Variants in MUC5AC observed in about 807,000 individuals in gnomAD.
MUC5AC encodes mucin 5AC, oligomeric mucus/gel-forming.
In MUC5AC, 158 loss-of-function variants were observed where a neutral mutation model predicts 169.7. The ratio of observed to expected loss-of-function variants is 0.93; its 90% CI spans 0.82 to 1.06. MUC5AC has a LOEUF of 1.06. Ranked by LOEUF, MUC5AC falls within the 50% of genes least tolerant of loss-of-function variation. The probability of loss-of-function intolerance (pLI) is 0.00; values close to 1 mark genes in which losing one functional copy is unlikely to be tolerated. For missense variants in MUC5AC, 4,359 were observed against 3,089.9 expected (o/e 1.41, Z -9.74); for synonymous variants, 1,975 against 1,237.0 (o/e 1.60, Z -12.52).
chr11:1,167,964 C>G lies in MUC5AC; in HGVS notation c.1474C>G (p.Leu492Val). The stretch of plus-strand genomic sequence containing the variant: ...CGAGACCTGCCTGAAGAGCGTGACA[C>G]TGAGCCTGGATGGGGCGCAGACGGT... Reference protein sequence around the residue: ...DSETCLKSVTLSLDGAQTVVV... With the variant: ...DSETCLKSVTVSLDGAQTVVV... Residue 492 changes from leucine (L) to valine (V), a missense_variant, in exon 12 of 49, where the codon CTG (leucine) becomes GTG (valine). Physicochemically the swap from Leu to Val is conservative, Grantham distance 32. Coordinates refer to ENST00000621226, the MANE Select transcript of MUC5AC (RefSeq NM_001304359.2). 1 of 1,550,790 alleles carries G rather than the reference C, an allele frequency of 6.4e-7. No individual in the cohort carries two copies. The highest frequency in any genetic ancestry group is 8.7e-7 in the Non-Finnish European group (1 of 1,147,342).
In MUC5AC at chr11:1,186,154, C is replaced by T. The variant is rs1860938391; in HGVS notation, c.8009C>T (p.Ser2670Phe). 5.4e-6 allele frequency: 4 copies of T among 746,796 alleles called. No individual in the cohort carries two copies. The Admixed American group carries it at 7.1e-5, about 13-fold the overall frequency. 46.3% of individuals were successfully genotyped at this position (746,796 alleles called of 1,614,324 possible). ...CCTGTTCCTACCACCAGCACAATCT[C>T]TGTTCCTACCACCAGCACAACTTCT... ...PSPVPTTSTI[S>F]VPTTSTTSAS... Residue 2670 changes from serine to phenylalanine, a missense_variant, in exon 31 of 49, where the codon TCT (serine) becomes TTT (phenylalanine). Physicochemically the swap from Ser to Phe is radical, Grantham distance 155. Coordinates refer to ENST00000621226, the MANE Select transcript of MUC5AC (RefSeq NM_001304359.2).
intron 37 of MUC5AC, 137 bp from the exon 38 acceptor site, chr11:1,196,251 G>A (rs1861267558): frequency 7.5e-6 from 5 of 666,512 alleles, no homozygotes; most frequent in Middle Eastern, 2.9e-4. Flanking sequence ...GGGCACTGGG[G>A]TGTGGGAGGC....
In MUC5AC at chr11:1,162,130, C is replaced by T; in HGVS notation, c.435C>T (p.Ile145=). The T allele has an allele frequency of 6.2e-7, 1 of 1,612,612 alleles. No homozygotes were observed. Among genetic ancestry groups the T allele is most frequent in the Non-Finnish European group, 8.5e-7 (1 of 1,179,824 alleles). ...TCATGAAGGTGGATGGCGTGGTCAT[C>T]CAGCTGACCAAGGGCTCCGTCCTGG... The part of the protein sequence containing the change: ...RVLMKVDGVV[I]QLTKGSVLVN... The change falls in exon 4 of 49, where the codon ATC becomes ATT. Residue 145 remains isoleucine, a synonymous_variant. Coordinates refer to ENST00000621226, the MANE Select transcript of MUC5AC (RefSeq NM_001304359.2).
chr11:1,162,436 C>A, intron 4 of MUC5AC, 96 bp from the exon 5 acceptor site: 6 of 1,176,560 alleles, frequency 5.1e-6, no homozygotes, highest in Non-Finnish European at 7.4e-6. Context: ...TTCACGGTCA[C>A]GATGACCGTG....
In MUC5AC at chr11:1,162,893, C is replaced by G; in HGVS notation, c.589-62C>G. ...GGCCCCTCCTCGGAAATCTCAGGCT[C>G]GAGCCTCATCTGTCCATCTGCCCCT... On this transcript the variant is annotated intron_variant, in intron 5 of 48. Coordinates refer to ENST00000621226, the MANE Select transcript of MUC5AC (RefSeq NM_001304359.2). 5 of 1,501,754 alleles carry G rather than the reference C, an allele frequency of 3.3e-6. 1 individual carries two copies. The Middle Eastern group carries it at 5.1e-4, about 154-fold the overall frequency. The allele number at this position is 1,501,754 out of a possible 1,614,324, so 93.0% of individuals were successfully genotyped here.
At chr11:1,196,769 G>A in intron 39 of MUC5AC, 49 bp downstream of exon 39, 1 of 731,262 alleles carries the variant, frequency 1.4e-6, no homozygotes, top group Non-Finnish European at 2.5e-6. Context: ...CTGGGCCTGT[G>A]ACTGTTGGCC....
chr11:1,189,783 A>T lies in MUC5AC; in HGVS notation c.11638A>T (p.Thr3880Ser), dbSNP rs1410857249. ...AATCTCTGCCCCTACAACCAGCACAACCTCTTTCCATACAACCAGCACAAC... is the reference window on the plus strand; with the variant it reads ...AATCTCTGCCCCTACAACCAGCACATCCTCTTTCCATACAACCAGCACAAC... ...STISAPTTST[T>S]SFHTTSTTSP... The change falls in exon 31 of 49, where the codon ACC (threonine) becomes TCC (serine). Residue 3880 changes from threonine (T) to serine (S), a missense_variant. By Grantham distance (58) the Thr-to-Ser change is moderately conservative. Transcript: ENST00000621226. 1 of 701,796 alleles carries T rather than the reference A, an allele frequency of 1.4e-6. No individual in the cohort carries two copies. Among genetic ancestry groups the T allele is most frequent in the South Asian group, 1.5e-5 (1 of 65,628 alleles). The allele number at this position is 701,796 out of a possible 1,614,324, so 43.5% of individuals were successfully genotyped here. A position where few individuals can be genotyped will look rare whatever the true frequency, so the allele number is the denominator to read the frequency against.
In MUC5AC at chr11:1,184,842, C is replaced by T. The variant is rs1180705024; in HGVS notation, c.6697C>T (p.Pro2233Ser). Residue 2233 changes from proline (P) to serine (S), a missense_variant, in exon 31 of 49, where the codon CCT becomes TCT. By Grantham distance (74) the Pro-to-Ser change is moderately conservative (BLOSUM62 -1). Coordinates refer to ENST00000621226, the MANE Select transcript of MUC5AC (RefSeq NM_001304359.2). ...CACACCTGTGACAGCTCCTAGCACC[C>T]CTAGTGGGAGAGCCACCAGCCCAAC... The part of the protein sequence containing the change: ...TSTPVTAPST[P>S]SGRATSPTQS... 3.1e-6 allele frequency: 2 copies of T among 639,188 alleles called. No homozygotes were observed. The highest frequency in any genetic ancestry group is 3.6e-5 in the African/African-American group (2 of 55,094). 39.6% of individuals were successfully genotyped at this position (639,188 alleles called of 1,614,324 possible).
rs557168752 is a variant in MUC5AC, at chr11:1,158,064, G to A, written c.65G>A (p.Arg22Gln). Residue 22 changes from arginine to glutamine, a missense_variant, in exon 1 of 49, where the codon CGG becomes CAG. Coordinates refer to ENST00000621226, the MANE Select transcript of MUC5AC (RefSeq NM_001304359.2). The stretch of plus-strand genomic sequence containing the variant: ...CTGGCTCTCGCTCTGGCCTGCACCC[G>A]GCATACAGGTACGGCTTGGCCCCTG... The part of the protein sequence containing the change: ...WALALALACT[R>Q]HTGHAQDGSS... 349 of 1,607,900 alleles carry A rather than the reference G, an allele frequency of 2.2e-4. 1 individual carries two copies. The African/African-American group carries it at 4.2e-3, about 19-fold the overall frequency.
chr11:1,173,609 T>G (rs1362271882), intron 16 of MUC5AC, among the ~76,000 whole-genome samples: 4 of 148,150 alleles, frequency 2.7e-5, no homozygotes, highest in African/African-American at 2.5e-5. Context: ...ACTCACTCAC[T>G]CATCCACTCA....
At position 1,193,619 on chromosome 11, in the gene MUC5AC, G is replaced by C; in HGVS notation, c.14715G>C (p.Val4905=). 1 of 765,018 alleles carries C rather than the reference G, an allele frequency of 1.3e-6. No individual in the cohort carries two copies. Among genetic ancestry groups the C allele is most frequent in the Non-Finnish European group, 2.4e-6 (1 of 417,848 alleles). The allele number at this position is 765,018 out of a possible 1,614,324, so 47.4% of individuals were successfully genotyped here. Residue 4905 remains valine (V), a synonymous_variant, in exon 33 of 49, where the codon GTG becomes GTC. Coordinates refer to ENST00000621226, the MANE Select transcript of MUC5AC (RefSeq NM_001304359.2). ...CCAACGGCTACCCGGCTGTGAAGGT[G>C]GCTGACCAAGATGGCTGCTGCCATC... ...TCANGYPAVK[V]ADQDGCCHHY...
intron 16 of MUC5AC, among the ~76,000 whole-genome samples, chr11:1,173,058 T>C (rs1860586492): frequency 6.8e-6 from 1 of 146,722 alleles, no homozygotes; most frequent in Non-Finnish European, 1.5e-5. Context: ...ACTAACTTAC[T>C]CACTCACTCA....
chr11:1,199,381 C>T lies in MUC5AC; in HGVS notation c.16406C>T (p.Thr5469Ile). ...CTGGCCTCCCTCCAGCCCGGCGAGA[C>T]CTGGTCAGACGCAGGGAACCACTGT... ...SPAHLFYPGE[T>I]WSDAGNHCVT... The change falls in exon 46 of 49, where the codon ACC becomes ATC. Residue 5469 changes from threonine to isoleucine, a missense_variant. Physicochemically the swap from Thr to Ile is moderately conservative, Grantham distance 89 (BLOSUM62 -1). Transcript: ENST00000621226. 1.4e-6 allele frequency: 1 copy of T among 718,644 alleles called. No homozygotes were observed. The highest frequency in any genetic ancestry group is 2.5e-6 in the Non-Finnish European group (1 of 394,266). 44.5% of individuals were successfully genotyped at this position (718,644 alleles called of 1,614,324 possible).
rs1861368787 is a variant in MUC5AC, at chr11:1,199,509, G to A, written c.16515+19G>A. On this transcript the variant is annotated intron_variant, in intron 46 of 48. Transcript: ENST00000621226. ...TTCTCTGGTGAGGTCCAGGATCCCCGCTCCAGCCAAGGGGGGCTTCACCCC... is the reference window on the plus strand; with the variant it reads ...TTCTCTGGTGAGGTCCAGGATCCCCACTCCAGCCAAGGGGGGCTTCACCCC... 1.4e-6 allele frequency: 1 copy of A among 704,068 alleles called. No individual in the cohort carries two copies. The highest frequency in any genetic ancestry group is 2.6e-6 in the Non-Finnish European group (1 of 385,734). 43.6% of individuals were successfully genotyped at this position (704,068 alleles called of 1,614,324 possible). A position where few individuals can be genotyped will look rare whatever the true frequency, so the allele number is the denominator to read the frequency against.
At position 1,189,562 on chromosome 11, in the gene MUC5AC, G is replaced by C. The variant is rs1861035303; in HGVS notation, c.11417G>C (p.Ser3806Thr). 3.3e-6 allele frequency: 2 copies of C among 608,516 alleles called. No individual in the cohort carries two copies. The highest frequency in any genetic ancestry group is 5.8e-5 in the Admixed American group (2 of 34,666). The allele number at this position is 608,516 out of a possible 1,614,324, so 37.7% of individuals were successfully genotyped here. Residue 3806 changes from serine to threonine, a missense_variant, in exon 31 of 49, where the codon AGC (serine) becomes ACC (threonine). Physicochemically the swap from Ser to Thr is moderately conservative, Grantham distance 58. Coordinates refer to ENST00000621226, the MANE Select transcript of MUC5AC (RefSeq NM_001304359.2). ...TTSTTSTPQT[S>T]TISSPTTSTT... ...AGCACAACCTCCACTCCACAGACCA[G>C]CACAATCTCTTCCCCTACAACCAGC... is the stretch of plus-strand genomic sequence containing the variant.
At chr11:1,198,833 G>C (rs1215413587) in intron 43 of MUC5AC, 41 bp from the exon 44 acceptor site, 5 of 699,324 alleles carry the variant, frequency 7.1e-6, no homozygotes, top group Admixed American at 6.0e-5. Context: ...GTCTCCCCAG[G>C]GCCCAAGCTC....
chr11:1,191,517 A>G lies in MUC5AC; in HGVS notation c.13372A>G (p.Ile4458Val), dbSNP rs1861095668. 1 of 643,802 alleles carries G rather than the reference A, an allele frequency of 1.6e-6. No individual in the cohort carries two copies. The highest frequency in any genetic ancestry group is 3.2e-5 in the East Asian group (1 of 31,654). 39.9% of individuals were successfully genotyped at this position (643,802 alleles called of 1,614,324 possible). ...AACCTCTGCTTCTACAACCAGCACA[A>G]TCTCTCTCCCTACAACCAGCACAAC... The part of the protein sequence containing the change: ...STTSASTTST[I>V]SLPTTSTTSA... The change falls in exon 31 of 49, where the codon ATC becomes GTC. Residue 4458 changes from isoleucine (I) to valine (V), a missense_variant. By Grantham distance (29) the Ile-to-Val change is conservative. Transcript: ENST00000621226.
chr11:1,198,806 T>TG, intron 43 of MUC5AC, 68 bp from the exon 44 acceptor site: 1 of 678,660 alleles, frequency 1.5e-6, no homozygotes, highest in Admixed American at 2.1e-5. Context: ...AGCAAGCCAG[T>TG]GGGGAGGCAG....
rs36151150 is a variant in MUC5AC, at chr11:1,177,356, T to C, written c.2907+12T>C. On this transcript the variant is annotated intron_variant, in intron 23 of 48. Transcript: ENST00000621226. Reference sequence around the variant, plus strand: ...AGATTTTCCTGGGGGTGAGCGAGGCTGGGTGGTCGCATGCCCTCCAGGAGG... The same window carrying C: ...AGATTTTCCTGGGGGTGAGCGAGGCCGGGTGGTCGCATGCCCTCCAGGAGG... 73,377 of 434,784 alleles carry C rather than the reference T, an allele frequency of 0.17. 6,970 individuals carry two copies. The highest frequency in any genetic ancestry group is 0.2 in the Non-Finnish European group (48,006 of 245,408). The allele number at this position is 434,784 out of a possible 1,614,324, so 26.9% of individuals were successfully genotyped here.
Sources: gnomAD v4.1 joint callset for allele counts (sites outside exome capture counted in the v4.1 genomes callset) on GRCh38, gnomAD v4.1.1 for gene constraint, MANE v1.5 for transcripts, NCBI Gene and HGNC (gene_info 2026-07-23, HGNC 2026-07-21) for gene names.